The following PLCB1 variants were observed in gnomAD, a reference collection of about 807,000 sequenced individuals.
PLCB1 encodes 1-phosphatidylinositol 4,5-bisphosphate phosphodiesterase beta-1.
Under a neutral mutation model 161.8 loss-of-function variants are expected in PLCB1, and 46 were observed. The observed-to-expected ratio is 0.28, with a 90% CI of 0.22 to 0.36. The LOEUF (loss-of-function observed/expected upper bound fraction) is 0.36, where lower values mean the gene tolerates loss of function less well. Ranked by LOEUF, PLCB1 falls within the 10% of genes least tolerant of loss-of-function variation. The probability of loss-of-function intolerance (pLI) is 1.00; values close to 1 mark genes in which losing one functional copy is unlikely to be tolerated. For synonymous variants in PLCB1, 517 were observed against 503.7 expected, an observed-to-expected ratio of 1.03 and a Z score of -0.35; for missense variants, 1,016 against 1,472.5, an observed-to-expected ratio of 0.69 and a Z score of 5.07.
intron 2 of PLCB1, among the ~76,000 whole-genome samples, chr20:8,356,267 T>C (rs1256188395): frequency 1.3e-5 from 2 of 152,182 alleles, no homozygotes; most frequent in Admixed American, 6.5e-5. Context: ...TACCAGTCTC[T>C]AAGAGTGCGT....
At chr20:8,453,665 G>C (rs1025818384) in intron 3 of PLCB1, among the ~76,000 whole-genome samples, 8 of 151,974 alleles carry the variant, frequency 5.3e-5, no homozygotes, top group African/African-American at 1.4e-4. Flanking sequence ...GGTAAGGGGA[G>C]AGAGAGAGAG....
chr20:8,438,751 G>A lies in PLCB1; in HGVS notation c.246+67301G>A, dbSNP rs533603268. Among the ~76,000 whole-genome samples the A allele has an allele frequency of 2.4e-4, 37 of 152,160 alleles. 1 individual carries two copies. The highest frequency in any genetic ancestry group is 7.2e-4 in the African/African-American group (30 of 41,546). ...CAGCAACCATTGGGTTCAGGTCTTT[G>A]CCCCATTTCCTGACCCAAGGGGCCA... is the stretch of plus-strand genomic sequence containing the variant. On this transcript the variant is annotated intron_variant, in intron 3 of 31. Coordinates refer to ENST00000338037, the MANE Select transcript of PLCB1 (RefSeq NM_015192.4).
At position 8,828,876 on chromosome 20, in the gene PLCB1, C is replaced by G. The variant is rs1464373414; in HGVS notation, c.3423+38615C>G. 3.9e-5 allele frequency among the ~76,000 whole-genome samples: 6 copies of G among 152,100 alleles called. No homozygotes were observed. In the East Asian group the frequency reaches 1.2e-3, roughly 29 times the overall value. ...GGGGACACCCAGGGAATTCCTAGGC[C>G]CAGTGGAATTAATGTTCTAGAAAGA... On this transcript the variant is annotated intron_variant, in intron 31 of 31. Transcript: ENST00000338037.
chr20:8,632,997 G>T (rs1267871726), intron 4 of PLCB1, among the ~76,000 whole-genome samples: 1 of 152,074 alleles, frequency 6.6e-6, no homozygotes, highest in East Asian at 1.9e-4. Context: ...ATGGAAGCAA[G>T]CAGATTCGTT....
chr20:8,861,352 A>G (rs1037294828), intron 31 of PLCB1, among the ~76,000 whole-genome samples: 5 of 152,224 alleles, frequency 3.3e-5, no homozygotes, highest in African/African-American at 1.2e-4. Context: ...AGAACAAAGG[A>G]TAAGTCATTA....
At chr20:8,161,596 G>A (rs1341628477) in intron 2 of PLCB1, among the ~76,000 whole-genome samples, 1 of 152,080 alleles carries the variant, frequency 6.6e-6, no homozygotes, top group Non-Finnish European at 1.5e-5. Context: ...CCTTGGATTT[G>A]TTTGAAAAAG....
At chr20:8,191,748 G>A (rs1161329431) in intron 2 of PLCB1, among the ~76,000 whole-genome samples, 1 of 151,982 alleles carries the variant, frequency 6.6e-6, no homozygotes, top group Non-Finnish European at 1.5e-5. Flanking sequence ...TTTCAATTAT[G>A]AAATTACTGG....
chr20:8,776,532 A>ATCATACAAT (rs1471643614), intron 27 of PLCB1, among the ~76,000 whole-genome samples: 5 of 152,164 alleles, frequency 3.3e-5, no homozygotes, highest in Non-Finnish European at 7.3e-5. Flanking sequence ...TTATTTCCCA[A>ATCATACAAT]TCATACAATT....
At chr20:8,171,220 T>G (rs1327838081) in intron 2 of PLCB1, among the ~76,000 whole-genome samples, 1 of 152,084 alleles carries the variant, frequency 6.6e-6, no homozygotes, top group Non-Finnish European at 1.5e-5. Flanking sequence ...TTAATATACA[T>G]AAAATATATA....
At chr20:8,371,246 G>A (rs1223030622) in intron 2 of PLCB1, 136 bp from the exon 3 acceptor site, 1 of 587,972 alleles carries the variant, frequency 1.7e-6, no homozygotes, top group East Asian at 2.8e-5. Context: ...AGTGATATAA[G>A]AGGAAAGAAA....
intron 2 of PLCB1, among the ~76,000 whole-genome samples, chr20:8,344,094 G>C (rs1255641622): frequency 6.6e-6 from 1 of 152,130 alleles, no homozygotes; most frequent in African/African-American, 2.4e-5. Context: ...GGGATCTCAT[G>C]CCATTTCTTT....
intron 2 of PLCB1, among the ~76,000 whole-genome samples, chr20:8,251,444 A>G (rs1354570123): frequency 6.6e-6 from 1 of 151,888 alleles, no homozygotes; most frequent in African/African-American, 2.4e-5. Flanking sequence ...GGATAAGAGC[A>G]GGAGAGGTCT....
At chr20:8,600,443 G>T (rs1348450489) in intron 3 of PLCB1, among the ~76,000 whole-genome samples, 1 of 148,164 alleles carries the variant, frequency 6.7e-6, no homozygotes, top group Admixed American at 6.7e-5. Flanking sequence ...CACTTGAGGA[G>T]GCAGTCTGCC....
At chr20:8,837,541 A>G (rs1009080288) in intron 31 of PLCB1, among the ~76,000 whole-genome samples, 1 of 152,210 alleles carries the variant, frequency 6.6e-6, no homozygotes, top group African/African-American at 2.4e-5. Flanking sequence ...GTTGGCTGAA[A>G]CATGGGCCAG....
At chr20:8,205,622 C>G (rs1017557096) in intron 2 of PLCB1, among the ~76,000 whole-genome samples, 1 of 152,018 alleles carries the variant, frequency 6.6e-6, no homozygotes, top group South Asian at 2.1e-4. Flanking sequence ...AATTATGGCA[C>G]TTGTGAGATA....
intron 2 of PLCB1, among the ~76,000 whole-genome samples, chr20:8,154,012 T>C (rs2051534978): frequency 6.6e-6 from 1 of 152,220 alleles, no homozygotes; most frequent in Non-Finnish European, 1.5e-5. Flanking sequence ...ATCCTAGTTC[T>C]CTATTCAGAG....
intron 31 of PLCB1, among the ~76,000 whole-genome samples, chr20:8,813,399 CTGTTTCATACTTAAAATCTCAG>C (rs1338059084): frequency 6.6e-6 from 1 of 152,138 alleles, no homozygotes; most frequent in Non-Finnish European, 1.5e-5. Flanking sequence ...TTTTAAATGT[CTGTTTCATACTTAAAATCTCAG>C]AATATCTTAC....
intron 4 of PLCB1, among the ~76,000 whole-genome samples, chr20:8,642,727 G>A (rs1363726590): frequency 6.6e-6 from 1 of 152,112 alleles, no homozygotes; most frequent in Non-Finnish European, 1.5e-5. Context: ...GAAACACAGA[G>A]AATTTTTAGG....
chr20:8,854,051 GA>G (rs1046893177), intron 31 of PLCB1, among the ~76,000 whole-genome samples: 2 of 152,048 alleles, frequency 1.3e-5, no homozygotes, highest in Non-Finnish European at 2.9e-5. Context: ...AAGCCAGAGG[GA>G]AAAAAGGAAG....
Sources: allele counts gnomAD v4.1 joint callset (sites outside exome capture counted in the v4.1 genomes callset), GRCh38; gene constraint gnomAD v4.1.1; transcripts MANE v1.5; gene names NCBI Gene and HGNC (gene_info 2026-07-23, HGNC 2026-07-21).